Variants in LIMD1 observed in about 807,000 individuals in gnomAD.
LIMD1 encodes LIM domain-containing protein 1.
LIMD1 carries 23 observed loss-of-function variants against 58.4 expected under a neutral mutation model. The ratio of observed to expected loss-of-function variants is 0.39; its 90% CI spans 0.28 to 0.56. LIMD1 has a LOEUF of 0.56. Among genes scored for constraint, LIMD1 ranks in the 20% least tolerant of loss-of-function variants. The pLI is 0.57. For missense variants in LIMD1, 838 were observed against 855.5 expected (o/e 0.98, Z 0.25); for synonymous variants, 334 against 345.5 (o/e 0.97, Z 0.37).
chr3:45,655,927 G>A (rs767517341), intron 2 of LIMD1, among the ~76,000 whole-genome samples: 2 of 152,178 alleles, frequency 1.3e-5, no homozygotes, highest in East Asian at 1.9e-4. Flanking sequence ...AGGACTGAAC[G>A]TTTATACCGC....
chr3:45,641,505 A>G (rs1559520748), intron 2 of LIMD1, among the ~76,000 whole-genome samples: 1 of 148,578 alleles, frequency 6.7e-6, no homozygotes. Flanking sequence ...ATAATTATAT[A>G]TATTTTATTT....
chr3:45,658,670 C>T (rs541704532), intron 2 of LIMD1, among the ~76,000 whole-genome samples: 3 of 149,672 alleles, frequency 2.0e-5, no homozygotes, highest in Admixed American at 1.4e-4. Context: ...ATTCTCCTGC[C>T]TCAGCCTCCT....
chr3:45,674,278 A>T (rs1031002535), intron 6 of LIMD1, 65 bp from the exon 7 acceptor site: 3 of 1,302,698 alleles, frequency 2.3e-6, no homozygotes, highest in South Asian at 2.4e-5. Flanking sequence ...ACCCCACGGT[A>T]CATCAAGCCC....
At chr3:45,672,616 C>T (rs1174791370) in intron 4 of LIMD1, 74 bp from the exon 5 acceptor site, 2 of 1,524,672 alleles carry the variant, frequency 1.3e-6, no homozygotes, top group Non-Finnish European at 1.8e-6. Flanking sequence ...ATCCTTAGGC[C>T]TGATGTGTTC....
At chr3:45,635,247 TTCTC>T (rs148578146) in intron 1 of LIMD1, among the ~76,000 whole-genome samples, 2 of 150,202 alleles carry the variant, frequency 1.3e-5, no homozygotes, top group Non-Finnish European at 3.0e-5. Context: ...CAAAAAAAAG[TTCTC>T]TCTCTCTCTC....
intron 5 of LIMD1, 143 bp from the exon 6 acceptor site, chr3:45,673,311 A>G: frequency 1.4e-6 from 1 of 690,632 alleles, no homozygotes; most frequent in Non-Finnish European, 2.6e-6. Context: ...AAAGTGAGCC[A>G]GGTACCAGTC....
chr3:45,625,858 C>T (rs1005316532), intron 1 of LIMD1, among the ~76,000 whole-genome samples: 4 of 152,178 alleles, frequency 2.6e-5, no homozygotes, highest in African/African-American at 4.8e-5. Flanking sequence ...TACTCAGTCT[C>T]GGGTATTCCA....
intron 4 of LIMD1, 65 bp downstream of exon 4, chr3:45,668,421 A>G: frequency 7.9e-7 from 1 of 1,264,156 alleles, no homozygotes; most frequent in Non-Finnish European, 1.1e-6. Flanking sequence ...CAGAGAAAAA[A>G]GAAATTAATA....
rs899050954 is a variant in LIMD1, at chr3:45,677,313, C to G, written c.*254C>G. ...ACTCAGGAAAATGCTCCAGCATGTG[C>G]GAGCACATGACCTGAGGTTGCATCA... is the stretch of plus-strand genomic sequence containing the variant. On this transcript the variant is annotated 3_prime_UTR_variant, in exon 8 of 8. Transcript: ENST00000273317. 1 of 428,380 alleles carries G rather than the reference C, an allele frequency of 2.3e-6. No individual in the cohort carries two copies. The highest frequency in any genetic ancestry group is 2.6e-5 in the South Asian group (1 of 37,984). 26.5% of individuals were successfully genotyped at this position (428,380 alleles called of 1,614,324 possible).
chr3:45,676,662 C>T (rs957486040), intron 7 of LIMD1, among the ~76,000 whole-genome samples: 8 of 152,216 alleles, frequency 5.3e-5, no homozygotes, highest in Admixed American at 2.0e-4. Flanking sequence ...GATATTTTTA[C>T]ATCCTCTTTT....
chr3:45,666,276 CT>C (rs1276044433), intron 3 of LIMD1, among the ~76,000 whole-genome samples: 2 of 152,336 alleles, frequency 1.3e-5, no homozygotes, highest in South Asian at 2.1e-4. Flanking sequence ...TCAACCCCAC[CT>C]CCTTGAACGC....
intron 1 of LIMD1, among the ~76,000 whole-genome samples, chr3:45,610,636 C>G (rs772043162): frequency 3.2e-4 from 48 of 152,258 alleles, no homozygotes; most frequent in Non-Finnish European, 5.6e-4. Flanking sequence ...TCTGCCACCC[C>G]CCAGCTCTGC....
In LIMD1 at chr3:45,679,401, G is replaced by A. The variant is rs1462459685; in HGVS notation, c.*2342G>A. On this transcript the variant is annotated 3_prime_UTR_variant, in exon 8 of 8. Transcript: ENST00000273317. ...CTTCGCTTCAGGCCCTTACACAAAAGCCATGAAGAGATGTTCACCTACCCG... is the reference window on the plus strand; with the variant it reads ...CTTCGCTTCAGGCCCTTACACAAAAACCATGAAGAGATGTTCACCTACCCG... 1 of 152,168 alleles carries A rather than the reference G, an allele frequency of 6.6e-6. No homozygotes were observed. Among genetic ancestry groups the A allele is most frequent in the Non-Finnish European group, 1.5e-5 (1 of 68,040 alleles). 9.4% of individuals were successfully genotyped at this position (152,168 alleles called of 1,614,324 possible).
chr3:45,668,870 C>T (rs914017894), intron 4 of LIMD1, among the ~76,000 whole-genome samples: 2 of 152,100 alleles, frequency 1.3e-5, no homozygotes, highest in Non-Finnish European at 2.9e-5. Context: ...ATCATGTTTC[C>T]GATAATGCTT....
intron 1 of LIMD1, chr3:45,632,692 G>A: frequency 3.8e-6 from 1 of 265,830 alleles, no homozygotes; most frequent in South Asian, 1.4e-4. Flanking sequence ...AATTCACTAG[G>A]AGAGGCAAAT....
At chr3:45,669,073 C>G (rs532945463) in intron 4 of LIMD1, among the ~76,000 whole-genome samples, 3 of 152,146 alleles carry the variant, frequency 2.0e-5, no homozygotes, top group African/African-American at 7.2e-5. Context: ...CACACCATTA[C>G]GAAGATGAGT....
At chr3:45,602,456 C>T (rs1701424899) in intron 1 of LIMD1, among the ~76,000 whole-genome samples, 1 of 152,200 alleles carries the variant, frequency 6.6e-6, no homozygotes, top group Non-Finnish European at 1.5e-5. Context: ...GCCTGCTCCT[C>T]ACCAGCATGG....
intron 2 of LIMD1, among the ~76,000 whole-genome samples, chr3:45,642,968 C>G (rs1225405837): frequency 6.6e-6 from 1 of 152,196 alleles, no homozygotes; most frequent in African/African-American, 2.4e-5. Context: ...CCATGCCCCC[C>G]CACTGGCACT....
chr3:45,674,651 G>A (rs1052293282), intron 7 of LIMD1: 3 of 447,316 alleles, frequency 6.7e-6, no homozygotes, highest in South Asian at 7.1e-5. Context: ...AACTGTTGGA[G>A]CTGCTCTCCC....
Sources: allele counts gnomAD v4.1 joint callset (sites outside exome capture counted in the v4.1 genomes callset), GRCh38; gene constraint gnomAD v4.1.1; transcripts MANE v1.5; gene names NCBI Gene and HGNC (gene_info 2026-07-23, HGNC 2026-07-21).